The following OGG1 variants were observed in gnomAD, a reference collection of about 807,000 sequenced individuals.
OGG1 encodes N-glycosylase/DNA lyase.
In OGG1, 35 loss-of-function variants were observed where a neutral mutation model predicts 42.3. The ratio of observed to expected loss-of-function variants is 0.83; its 90% CI spans 0.63 to 1.10. The LOEUF (loss-of-function observed/expected upper bound fraction) is 1.10. OGG1 is among the 50% of genes least tolerant of loss of function. The pLI is 0.00. For missense variants in OGG1, 484 were observed against 446.7 expected (o/e 1.08, Z -0.75); for synonymous variants, 189 against 179.0 (o/e 1.06, Z -0.44).
chr3:9,757,018 C>G lies in OGG1; in HGVS notation c.949-43C>G, dbSNP rs1009928752. ...TGTCACTAGTCTCACCAGCCCTGAC[C>G]CCAGTGTACCCTCCTCCCCACACAG... On this transcript the variant is annotated intron_variant, in intron 6 of 6. Transcript: ENST00000344629. This position sits in a 1 kb window ranked among gnomAD's most constrained non-coding sequence, Gnocchi z 4.5. The G allele has an allele frequency of 6.2e-7, 1 of 1,613,694 alleles. No homozygotes were observed. Among genetic ancestry groups the G allele is most frequent in the East Asian group, 2.2e-5 (1 of 44,882 alleles).
At chr3:9,779,894 T>C (rs1284905295) in intron 2 of OGG1, 1 of 152,748 alleles carries the variant, frequency 6.5e-6, no homozygotes, top group Non-Finnish European at 1.5e-5. Flanking sequence ...CCACCAAGCA[T>C]ACCCCCCACA....
chr3:9,783,898 T>C (rs1041915335), intron 3 of OGG1: 13 of 1,410,776 alleles, frequency 9.2e-6, no homozygotes, highest in South Asian at 3.1e-5. Context: ...GCTGTTTTTT[T>C]CGAGGCTCTC....
chr3:9,763,403 C>CA (rs571944870), intron 7 of OGG1: 8,753 of 75,914 alleles, frequency 0.12, 390 homozygotes, highest in Middle Eastern at 0.22. Flanking sequence ...GACCCTGTCT[C>CA]AAAAAAAAAA....
chr3:9,765,776 C>G, intron 7 of OGG1: 1 of 1,614,072 alleles, frequency 6.2e-7, no homozygotes, highest in African/African-American at 1.3e-5. Context: ...GGACAGCAAT[C>G]TCATTCTCCA....
intron 3 of OGG1, among the ~76,000 whole-genome samples, chr3:9,784,432 A>G (rs1056404657): frequency 1.3e-5 from 2 of 152,202 alleles, no homozygotes; most frequent in East Asian, 1.9e-4. Flanking sequence ...GGAAAAACCC[A>G]TAATGCCAAC....
chr3:9,789,908 C>T (rs1448154282), downstream of OGG1: 3 of 1,613,366 alleles, frequency 1.9e-6, no homozygotes, highest in South Asian at 1.1e-5. Context: ...TTCATGGTCT[C>T]GACCCAGCTT....
chr3:9,779,095 T>C (rs1306101198), intron 2 of OGG1, among the ~76,000 whole-genome samples: 1 of 152,070 alleles, frequency 6.6e-6, no homozygotes, highest in African/African-American at 2.4e-5. Flanking sequence ...TAGGCCAAGC[T>C]TCCTGCCCCA....
chr3:9,766,044 G>A (rs1308713538), exon 8 of OGG1: 1 of 1,603,816 alleles, frequency 6.2e-7, no homozygotes, highest in South Asian at 1.1e-5. Flanking sequence ...TCCAGAGATG[G>A]TCACATGACC....
chr3:9,780,459 C>A, intron 2 of OGG1: 2 of 1,612,246 alleles, frequency 1.2e-6, no homozygotes, highest in Non-Finnish European at 1.7e-6. Flanking sequence ...GCCGGGCAGC[C>A]ATGATCTTGC....
At position 9,775,882 on chromosome 3, in the gene OGG1, C is replaced by T. The variant is rs554567512; in HGVS notation, c.295-5631C>T. 5.3e-5 allele frequency among the ~76,000 whole-genome samples: 8 copies of T among 152,258 alleles called. 1 individual carries two copies. Among genetic ancestry groups the T allele is most frequent in the African/African-American group, 1.4e-4 (6 of 41,538 alleles). Reference sequence around the variant, plus strand: ...CTTGAACTCCTGACCTCAGATGATCCGCCTTCCTTGGCCTCCCAAAGTGCT... The same window carrying T: ...CTTGAACTCCTGACCTCAGATGATCTGCCTTCCTTGGCCTCCCAAAGTGCT... On this transcript the variant is annotated intron_variant, in intron 2 of 3. Coordinates refer to the OGG1 transcript ENST00000426518.
downstream of OGG1, among the ~76,000 whole-genome samples, chr3:9,788,480 T>C (rs1389985457): frequency 2.0e-5 from 3 of 151,674 alleles, no homozygotes; most frequent in East Asian, 1.9e-4. Context: ...CTCCTGACCT[T>C]GTGATCTGCC....
At chr3:9,783,156 T>C (rs1228299566) in intron 3 of OGG1, 1 of 152,242 alleles carries the variant, frequency 6.6e-6, no homozygotes, top group Non-Finnish European at 1.5e-5. Flanking sequence ...ATGTTTATTG[T>C]ATGATTCTTT....
chr3:9,749,966 C>G lies in OGG1; in HGVS notation c.-321C>G, dbSNP rs892541088. The G allele has an allele frequency of 8.2e-6, 3 of 365,818 alleles. No homozygotes were observed. The highest frequency in any genetic ancestry group is 4.1e-5 in the African/African-American group (2 of 49,280). 22.7% of individuals were successfully genotyped at this position (365,818 alleles called of 1,614,324 possible). ...GCCCTACTTCCGGTGGTGCTGTGGT[C>G]TGCCCCTGGAGAACCCAGAAGAACA... On this transcript the variant is annotated 5_prime_UTR_variant, in exon 1 of 7. Transcript: ENST00000344629.
At chr3:9,761,307 T>A (rs2077857126), downstream of OGG1, 2 of 741,346 alleles carry the variant, frequency 2.7e-6, no homozygotes, top group Non-Finnish European at 2.2e-6. Context: ...AAACATAGTA[T>A]CTATTGAATG....
chr3:9,784,228 AG>A (rs749392272), intron 3 of OGG1: 16 of 1,595,050 alleles, frequency 1.0e-5, no homozygotes, highest in African/African-American at 5.4e-5. Context: ...AGCGGGAGGC[AG>A]GCCCGTCAGA....
intron 3 of OGG1, 52 bp from the exon 4 acceptor site, chr3:9,754,652 C>CA: frequency 6.3e-7 from 1 of 1,593,072 alleles, no homozygotes; most frequent in Non-Finnish European, 8.6e-7. Flanking sequence ...AGCCTAAGGA[C>CA]AGGAAGAACT....
At chr3:9,771,021 CT>C (rs1209097662), downstream of OGG1, among the ~76,000 whole-genome samples, 2 of 151,554 alleles carry the variant, frequency 1.3e-5, no homozygotes, top group African/African-American at 4.9e-5. Context: ...TTCTCTTCTT[CT>C]TTTTTTCTTT....
intron 2 of OGG1, among the ~76,000 whole-genome samples, chr3:9,773,845 A>G (rs144612900): frequency 0.015 from 2,204 of 151,680 alleles, 18 homozygotes; most frequent in Non-Finnish European, 0.023. Flanking sequence ...GGTGTGTACC[A>G]CCATACCTGG....
chr3:9,750,891 A>G lies in OGG1; in HGVS notation c.138-54A>G, dbSNP rs554100493. On this transcript the variant is annotated intron_variant, in intron 1 of 6. Coordinates refer to ENST00000344629, the MANE Select transcript of OGG1 (RefSeq NM_002542.6). ...CTATTGTAGGATAGGAGGGACCCCA[A>G]AGGGTGCAAGAAAGGAAATTGAGTG... 3.1e-6 allele frequency: 5 copies of G among 1,611,326 alleles called. No individual in the cohort carries two copies. The African/African-American group carries it at 4.0e-5, about 13-fold the overall frequency.
Sources: allele counts gnomAD v4.1 joint callset (sites outside exome capture counted in the v4.1 genomes callset), GRCh38; gene constraint gnomAD v4.1.1; non-coding constraint Gnocchi (gnomAD v3.1); transcripts MANE v1.5; gene names NCBI Gene and HGNC (gene_info 2026-07-23, HGNC 2026-07-21).